The following MAOA variants were observed in gnomAD, a reference collection of about 807,000 sequenced individuals.
MAOA encodes amine oxidase [flavin-containing] A.
Under a neutral mutation model 42.0 loss-of-function variants are expected in MAOA, and 6 were observed. The ratio of observed to expected loss-of-function variants is 0.14; its 90% CI spans 0.08 to 0.28. The LOEUF (loss-of-function observed/expected upper bound fraction) is 0.28. Among genes scored for constraint, MAOA ranks in the 10% least tolerant of loss-of-function variants. The pLI is 1.00. For synonymous variants in MAOA, 140 were observed against 154.0 expected, an observed-to-expected ratio of 0.91 and a Z score of 0.67; for missense variants, 262 against 422.3, an observed-to-expected ratio of 0.62 and a Z score of 3.33.
chrX:43,704,901 A>G (rs2033648531), intron 3 of MAOA, among the ~76,000 whole-genome samples: 1 of 112,215 alleles, frequency 8.9e-6, no homozygotes, highest in African/African-American at 3.2e-5. Context: ...AATAAATTTA[A>G]CCAAAGAAGT....
At chrX:43,740,142 T>C (rs950302153) in intron 10 of MAOA, among the ~76,000 whole-genome samples, 4 of 112,155 alleles carry the variant, frequency 3.6e-5, no homozygotes, top group African/African-American at 1.3e-4. Flanking sequence ...AAGTGACAAA[T>C]TCCTAGACTG....
At position 43,667,646 on chromosome X, in the gene MAOA, G is replaced by A. The variant is rs112958597; in HGVS notation, c.73+11232G>A. On this transcript the variant is annotated intron_variant, in intron 1 of 14. Coordinates refer to ENST00000338702, the MANE Select transcript of MAOA (RefSeq NM_000240.4). The stretch of plus-strand genomic sequence containing the variant: ...AAATTCTTAATGTTTGTGTGTACTA[G>A]TTTTCTCTTTGCAAACACAGTGATG... Among the ~76,000 whole-genome samples, 1,097 of 111,337 alleles carry A rather than the reference G, an allele frequency of 9.9e-3. 19 individuals are homozygous for A. Among genetic ancestry groups the A allele is most frequent in the African/African-American group, 0.035 (1,062 of 30,670 alleles).
intron 2 of MAOA, 24 bp downstream of exon 2, chrX:43,683,631 G>A: frequency 9.3e-7 from 1 of 1,074,119 alleles, no homozygotes; most frequent in Non-Finnish European, 1.3e-6. Flanking sequence ...ATACTTACAT[G>A]TAATGTAATA....
At position 43,743,374 on chromosome X, in the gene MAOA, G is replaced by C. The variant is rs765905426; in HGVS notation, c.1263-420G>C. 3.7e-3 allele frequency among the ~76,000 whole-genome samples: 412 copies of C among 111,192 alleles called. 3 individuals carry two copies. The highest frequency in any genetic ancestry group is 0.012 in the African/African-American group (378 of 30,576). ...CCCACCTGCCACTGCAGTTCCTCCT[G>C]ACACACTGGGAGTGCCTGCAAAGCT... On this transcript the variant is annotated intron_variant, in intron 12 of 14. Transcript: ENST00000338702.
Position 43,693,276 on chromosome X carries a change from T to A in MAOA, c.169-15T>A. Reference sequence around the variant, plus strand: ...TTTAACTAAAGTCCTCTGACCAATTTTTCTCTTTTTGCAGAATGAGCATGT... The same window carrying A: ...TTTAACTAAAGTCCTCTGACCAATTATTCTCTTTTTGCAGAATGAGCATGT... On this transcript the variant is annotated splice_polypyrimidine_tract_variant and intron_variant, in intron 2 of 14. Coordinates refer to ENST00000338702, the MANE Select transcript of MAOA (RefSeq NM_000240.4). 8.3e-7 allele frequency: 1 copy of A among 1,209,997 alleles called. No individual in the cohort carries two copies. The highest frequency in any genetic ancestry group is 1.1e-6 in the Non-Finnish European group (1 of 893,779).
rs1384933955 is a variant in MAOA at position 43,745,506 on chromosome X, T to G, written c.*993T>G. 1 of 112,270 alleles carries G rather than the reference T, an allele frequency of 8.9e-6. No individual in the cohort carries two copies. The highest frequency in any genetic ancestry group is 1.9e-5 in the Non-Finnish European group (1 of 53,288). The allele number at this position is 112,270 out of a possible 1,213,427, so 9.3% of individuals were successfully genotyped here. On this transcript the variant is annotated 3_prime_UTR_variant, in exon 15 of 15. Transcript: ENST00000338702. The stretch of plus-strand genomic sequence containing the variant: ...TACATATGTCTTCAACATGGTTACC[T>G]CTGCATAAATATTAGCAAAGCATGC...
intron 10 of MAOA, among the ~76,000 whole-genome samples, chrX:43,737,098 C>T (rs940706772): frequency 8.9e-6 from 1 of 111,733 alleles, no homozygotes; most frequent in African/African-American, 3.3e-5. Flanking sequence ...TACATGTGCA[C>T]ACGGATTTGT....
chrX:43,691,221 A>T (rs1426937011), intron 2 of MAOA, among the ~76,000 whole-genome samples: 1 of 110,510 alleles, frequency 9.0e-6, no homozygotes, highest in East Asian at 2.9e-4. Flanking sequence ...AAAAATACAA[A>T]AATTAGCTGA....
chrX:43,683,747 C>A, intron 2 of MAOA, 140 bp downstream of exon 2: 1 of 480,578 alleles, frequency 2.1e-6, no homozygotes, highest in Admixed American at 3.3e-5. Flanking sequence ...AAAGTACTCC[C>A]ATCAAATAAG....
intron 1 of MAOA, among the ~76,000 whole-genome samples, chrX:43,667,483 G>A (rs1308584523): frequency 1.8e-5 from 2 of 111,327 alleles, no homozygotes; most frequent in Admixed American, 9.6e-5. Flanking sequence ...ACTTGTGAAG[G>A]GGTAAGTATA....
At chrX:43,660,184 C>G (rs1486233229) in intron 1 of MAOA, among the ~76,000 whole-genome samples, 1 of 111,213 alleles carries the variant, frequency 9.0e-6, no homozygotes, top group African/African-American at 3.3e-5. Context: ...ATTGGACTTT[C>G]TATTTCTGAG....
At chrX:43,691,776 G>A (rs2033535365) in intron 2 of MAOA, among the ~76,000 whole-genome samples, 1 of 111,294 alleles carries the variant, frequency 9.0e-6, no homozygotes. Flanking sequence ...AGACAAGGCA[G>A]TAGAAGAAAG....
At chrX:43,722,024 CT>C (rs1318570277) in intron 5 of MAOA, among the ~76,000 whole-genome samples, 27 of 111,547 alleles carry the variant, frequency 2.4e-4, no homozygotes, top group African/African-American at 7.2e-4. Context: ...TGAACTCATC[CT>C]TTTTTTATGG....
intron 14 of MAOA, 47 bp downstream of exon 14, chrX:43,744,218 G>A: frequency 8.6e-7 from 1 of 1,158,206 alleles, no homozygotes; most frequent in Non-Finnish European, 1.2e-6. Flanking sequence ...ACCAATCATG[G>A]AACATAAAAC....
intron 1 of MAOA, among the ~76,000 whole-genome samples, chrX:43,667,934 G>T (rs1403091516): frequency 8.9e-6 from 1 of 111,830 alleles, no homozygotes; most frequent in African/African-American, 3.2e-5. Flanking sequence ...CTTTTTAATA[G>T]TTGTATAGTA....
In MAOA at chrX:43,745,338, G is replaced by A. The variant is rs1236918603; in HGVS notation, c.*825G>A. On this transcript the variant is annotated 3_prime_UTR_variant, in exon 15 of 15. Coordinates refer to ENST00000338702, the MANE Select transcript of MAOA (RefSeq NM_000240.4). The stretch of plus-strand genomic sequence containing the variant: ...CTTAGCTCTGTGGGAGACCAACTAC[G>A]ACTGGCATCTTCTCTTCCCCCTGGA... The A allele has an allele frequency of 1.8e-5, 2 of 111,752 alleles. No individual in the cohort carries two copies. The highest frequency in any genetic ancestry group is 6.5e-5 in the African/African-American group (2 of 30,720). The allele number at this position is 111,752 out of a possible 1,213,427, so 9.2% of individuals were successfully genotyped here.
intron 3 of MAOA, among the ~76,000 whole-genome samples, chrX:43,705,800 C>T (rs1411630537): frequency 8.9e-6 from 1 of 111,848 alleles, no homozygotes. Context: ...GGACAAAGGA[C>T]TTGAATAGAT....
At chrX:43,742,192 A>G in intron 12 of MAOA, 145 bp downstream of exon 12, 1 of 1,011,930 alleles carries the variant, frequency 9.9e-7, no homozygotes, top group African/African-American at 1.9e-5. Context: ...CTGGATGTCC[A>G]TAGAAAAATA....
intron 1 of MAOA, among the ~76,000 whole-genome samples, chrX:43,676,665 C>T (rs1329931187): frequency 1.8e-5 from 2 of 111,512 alleles, no homozygotes; most frequent in Admixed American, 9.6e-5. Flanking sequence ...TCCTGAGTGT[C>T]CACTGCATGC....
Sources: gnomAD v4.1 joint callset for allele counts (sites outside exome capture counted in the v4.1 genomes callset) on GRCh38, gnomAD v4.1.1 for gene constraint, MANE v1.5 for transcripts, NCBI Gene and HGNC (gene_info 2026-07-23, HGNC 2026-07-21) for gene names.